The following TDRD9 variants were observed in gnomAD, a reference collection of about 807,000 sequenced individuals.
TDRD9 encodes tudor domain containing 9.
TDRD9 carries 124 observed loss-of-function variants against 172.6 expected under a neutral mutation model. That is an observed-to-expected ratio of 0.72 (90% CI 0.62 to 0.83). The LOEUF is 0.83. Ranked by LOEUF, TDRD9 falls within the 40% of genes least tolerant of loss-of-function variation. The pLI is 0.00. For synonymous variants in TDRD9, 619 were observed against 617.1 expected, an observed-to-expected ratio of 1.00 and a Z score of -0.05; for missense variants, 1,479 against 1,714.1, an observed-to-expected ratio of 0.86 and a Z score of 2.42.
At chr14:103,959,603 C>T (rs2032413240) in intron 2 of TDRD9, among the ~76,000 whole-genome samples, 2 of 152,050 alleles carry the variant, frequency 1.3e-5, no homozygotes, top group Non-Finnish European at 2.9e-5. Context: ...TCAGCATGAA[C>T]ATTTTGTTAT....
Position 103,955,702 on chromosome 14 carries a change from A to G in TDRD9, c.254A>G (p.Asn85Ser). ...AGGAGCTCAGAAGTAGAGTATATTA[A>G]CAAATACAGACAGCTCGAAGCACAA... ...SQRSSEVEYINKYRQLEAQEL... is the reference protein window; with the variant it reads ...SQRSSEVEYISKYRQLEAQEL... The change falls in exon 2 of 36, where the codon AAC becomes AGC. Residue 85 changes from asparagine (N) to serine (S), a missense_variant. Around this residue, in one of 3 missense-constraint regions of TDRD9, gnomAD observed 1,413 missense variants for 1,649.1 expected, o/e 0.86. Transcript: ENST00000409874. The G allele has an allele frequency of 6.4e-7, 1 of 1,551,458 alleles. No homozygotes were observed. Among genetic ancestry groups the G allele is most frequent in the Non-Finnish European group, 8.7e-7 (1 of 1,146,856 alleles).
intron 28 of TDRD9, among the ~76,000 whole-genome samples, chr14:104,028,377 C>T (rs1056131757): frequency 6.6e-6 from 1 of 152,118 alleles, no homozygotes; most frequent in African/African-American, 2.4e-5. Context: ...TTGATAATAG[C>T]CATTCTAACT....
intron 7 of TDRD9, among the ~76,000 whole-genome samples, chr14:103,977,682 A>G (rs1338761946): frequency 1.0e-5 from 1 of 95,918 alleles, no homozygotes. Flanking sequence ...ATATAATCCT[A>G]TTTGTCTACT....
chr14:104,022,041 A>G lies in TDRD9; in HGVS notation c.2433-116A>G. ...GTTATTGATTAATTATAAATTGAAG[A>G]GTTACTGGCATTTTGAGGAGAGATG... is the stretch of plus-strand genomic sequence containing the variant. On this transcript the variant is annotated intron_variant, in intron 23 of 35. Coordinates refer to ENST00000409874, the MANE Select transcript of TDRD9 (RefSeq NM_153046.3). 2.4e-5 allele frequency: 17 copies of G among 721,754 alleles called. No individual in the cohort carries two copies. The South Asian group carries it at 3.0e-4, about 13-fold the overall frequency. The allele number at this position is 721,754 out of a possible 1,614,324, so 44.7% of individuals were successfully genotyped here.
At chr14:103,975,890 G>A (rs754631956) in intron 7 of TDRD9, among the ~76,000 whole-genome samples, 3 of 152,110 alleles carry the variant, frequency 2.0e-5, no homozygotes, top group Non-Finnish European at 4.4e-5. Flanking sequence ...GTCACCCCAC[G>A]GTGCTCTAGA....
At chr14:104,040,678 C>G (rs147677178) in intron 33 of TDRD9, among the ~76,000 whole-genome samples, 124 of 152,330 alleles carry the variant, frequency 8.1e-4, no homozygotes, top group African/African-American at 2.8e-3. Context: ...AACATCCTTG[C>G]TAGTTCTTAC....
rs751366764 is a variant in TDRD9 at position 104,007,213 on chromosome 14, G to A, written c.2052+9G>A. 4 of 1,613,494 alleles carry A rather than the reference G, an allele frequency of 2.5e-6. No individual in the cohort carries two copies. The highest frequency in any genetic ancestry group is 2.5e-6 in the Non-Finnish European group (3 of 1,179,532). On this transcript the variant is annotated intron_variant, in intron 19 of 35. Transcript: ENST00000409874. The stretch of plus-strand genomic sequence containing the variant: ...AGCTGCGGTACCCGAAGGTTGGTGA[G>A]CCCTTTCCTGCTGCTTTCTAGATGG...
chr14:103,978,760 G>A (rs994405396), intron 7 of TDRD9, among the ~76,000 whole-genome samples: 41 of 152,016 alleles, frequency 2.7e-4, no homozygotes, highest in African/African-American at 9.7e-4. Context: ...ACCTTTACTG[G>A]TTGTCTTAAG....
chr14:104,040,725 T>G (rs2035588958), intron 33 of TDRD9, among the ~76,000 whole-genome samples: 1 of 152,198 alleles, frequency 6.6e-6, no homozygotes, highest in Admixed American at 6.5e-5. Context: ...CCCTCTGCCC[T>G]TCTCCCGGCC....
rs555235827 is a variant in TDRD9, at chr14:103,981,106, G to A, written c.1012-5111G>A. Among the ~76,000 whole-genome samples the A allele has an allele frequency of 1.4e-3, 219 of 151,774 alleles. 1 individual carries two copies. Among genetic ancestry groups the A allele is most frequent in the African/African-American group, 5.1e-3 (209 of 41,318 alleles). On this transcript the variant is annotated intron_variant, in intron 7 of 35. Transcript: ENST00000409874. ...GCTCGTGCCCTCGGTCTCTTGCCTC[G>A]GCACCTGGGTGGCTTGCCGCCCACA... is the stretch of plus-strand genomic sequence containing the variant.
chr14:103,929,335 C>A (rs74086762), intron 1 of TDRD9, among the ~76,000 whole-genome samples: 8,460 of 152,208 alleles, frequency 0.056, 472 homozygotes, highest in Admixed American at 0.14. Context: ...GTTGGAATCA[C>A]ACAGTATGTG....
chr14:103,986,191 C>T (rs748314488), intron 7 of TDRD9, 26 bp from the exon 8 acceptor site: 75 of 1,588,088 alleles, frequency 4.7e-5, no homozygotes, highest in Middle Eastern at 3.3e-4. Flanking sequence ...TTTCGTATTG[C>T]GACTTTTTTC....
chr14:104,047,484 G>C lies in TDRD9; in HGVS notation c.3975-2124G>C, dbSNP rs572628530. ...GTCTGATATTAATATAGCTACCCCA[G>C]CTCTCTTTAGCTACCATTTGTGAGC... On this transcript the variant is annotated intron_variant, in intron 34 of 35. Coordinates refer to ENST00000409874, the MANE Select transcript of TDRD9 (RefSeq NM_153046.3). Among the ~76,000 whole-genome samples the C allele has an allele frequency of 1.8e-4, 27 of 152,156 alleles. No homozygotes were observed. The South Asian group carries it at 5.6e-3, about 32-fold the overall frequency.
At chr14:104,004,361 G>GTTTATTTA (rs10593237) in intron 14 of TDRD9, 26 bp downstream of exon 14, 35 of 740,934 alleles carry the variant, frequency 4.7e-5, no homozygotes, top group African/African-American at 3.4e-4. Context: ...CATTGTCAAA[G>GTTTATTTA]TTTATTTATT....
chr14:103,989,082 A>C (rs891002373), intron 8 of TDRD9, among the ~76,000 whole-genome samples: 3 of 148,526 alleles, frequency 2.0e-5, no homozygotes, highest in Non-Finnish European at 4.5e-5. Context: ...TTTATCTGGG[A>C]CAGTCTTTAT....
chr14:104,023,786 T>C (rs112778501), intron 24 of TDRD9, among the ~76,000 whole-genome samples: 86 of 152,358 alleles, frequency 5.6e-4, no homozygotes, highest in African/African-American at 2.0e-3. Context: ...ACCCAGTGTG[T>C]GACTTTTGGT....
intron 11 of TDRD9, 93 bp downstream of exon 11, chr14:103,994,696 C>G: frequency 9.8e-7 from 1 of 1,021,482 alleles, no homozygotes; most frequent in South Asian, 1.5e-5. Flanking sequence ...TGTCGTGGCT[C>G]ATGCGTGTGT....
At position 103,951,093 on chromosome 14, in the gene TDRD9, G is replaced by A. The variant is rs117527857; in HGVS notation, c.216-4571G>A. 3.2e-3 allele frequency among the ~76,000 whole-genome samples: 480 copies of A among 151,898 alleles called. 5 individuals are homozygous for A. The East Asian group carries it at 0.033, about 11-fold the overall frequency. On this transcript the variant is annotated intron_variant, in intron 1 of 35. Coordinates refer to ENST00000409874, the MANE Select transcript of TDRD9 (RefSeq NM_153046.3). ...TACTGTGCTATGTGTAATTCCCATC[G>A]CAATGCTTTATTCCCAAATAAAGAT...
At chr14:103,975,354 ATT>A in intron 6 of TDRD9, 33 bp from the exon 7 acceptor site, 1 of 1,586,150 alleles carries the variant, frequency 6.3e-7, no homozygotes, top group Non-Finnish European at 8.6e-7. Flanking sequence ...GATGATTCTC[ATT>A]GTTTTATTTG....
Sources: allele counts gnomAD v4.1 joint callset (sites outside exome capture counted in the v4.1 genomes callset), GRCh38; gene constraint gnomAD v4.1.1; regional missense constraint gnomAD v4.1.1; transcripts MANE v1.5; gene names NCBI Gene and HGNC (gene_info 2026-07-23, HGNC 2026-07-21).